BEND7: variants seen among roughly 807,000 people sequenced by gnomAD.
The protein encoded by BEND7 is BEN domain-containing protein 7.
In BEND7, 28 loss-of-function variants were observed where a neutral mutation model predicts 50.9. The ratio of observed to expected loss-of-function variants is 0.55; its 90% CI spans 0.41 to 0.75. BEND7 has a LOEUF of 0.75. Ranked by LOEUF, BEND7 falls within the 30% of genes least tolerant of loss-of-function variation. BEND7 has a pLI of 0.00. For synonymous variants in BEND7, 170 were observed against 183.9 expected, an observed-to-expected ratio of 0.92 and a Z score of 0.61; for missense variants, 477 against 491.3, an observed-to-expected ratio of 0.97 and a Z score of 0.28.
intron 5 of BEND7, among the ~76,000 whole-genome samples, chr10:13,481,421 G>C (rs1385683822): frequency 3.3e-5 from 5 of 152,162 alleles, no homozygotes; most frequent in Non-Finnish European, 7.3e-5. Context: ...CTAACAGGGA[G>C]TTGAGACTTC....
intron 6 of BEND7, among the ~76,000 whole-genome samples, chr10:13,463,683 T>A (rs2073946683): frequency 6.6e-6 from 1 of 152,172 alleles, no homozygotes. Flanking sequence ...GTAGGGAGGA[T>A]CTTTTAAAAT....
chr10:13,447,498 G>A (rs1313273006), intron 7 of BEND7, among the ~76,000 whole-genome samples, 182 bp from the exon 8 acceptor site: 3 of 145,984 alleles, frequency 2.1e-5, no homozygotes, highest in South Asian at 4.3e-4. Context: ...AATATTTTTT[G>A]ATGATGGTGA....
chr10:13,505,511 G>A (rs187879876), intron 2 of BEND7, among the ~76,000 whole-genome samples: 6 of 152,296 alleles, frequency 3.9e-5, no homozygotes, highest in South Asian at 2.1e-4. Flanking sequence ...TCTGGCCTGC[G>A]TGTGTGTGGC....
intron 5 of BEND7, among the ~76,000 whole-genome samples, chr10:13,492,299 G>C (rs1160933528): frequency 6.6e-6 from 1 of 151,960 alleles, no homozygotes; most frequent in Non-Finnish European, 1.5e-5. Flanking sequence ...TATTCTTTTA[G>C]GTCTCTACAC....
intron 2 of BEND7, among the ~76,000 whole-genome samples, chr10:13,521,058 G>T (rs2079046321): frequency 6.6e-6 from 1 of 152,142 alleles, no homozygotes; most frequent in Non-Finnish European, 1.5e-5. Flanking sequence ...GTCTAGACCA[G>T]GAGTTTTAAA....
At position 13,528,563 on chromosome 10, in the gene BEND7, G is replaced by C; in HGVS notation, c.-30C>G. On this transcript the variant is annotated 5_prime_UTR_variant, in exon 1 of 9. Transcript: ENST00000466271. Reference sequence around the variant, plus strand: ...CGGGGAAGGCGGCGGCGGGGGCTGAGGAGGCGGCGGCAGCGGCGGCAGCGG... The same window carrying C: ...CGGGGAAGGCGGCGGCGGGGGCTGACGAGGCGGCGGCAGCGGCGGCAGCGG... 1.0e-6 allele frequency: 1 copy of C among 971,468 alleles called. No homozygotes were observed. Among genetic ancestry groups the C allele is most frequent in the Non-Finnish European group, 1.2e-6 (1 of 828,186 alleles). 60.2% of individuals were successfully genotyped at this position (971,468 alleles called of 1,614,324 possible). A position where few individuals can be genotyped will look rare whatever the true frequency, so the allele number is the denominator to read the frequency against.
At chr10:13,481,847 T>C (rs2075882815) in intron 5 of BEND7, among the ~76,000 whole-genome samples, 1 of 152,246 alleles carries the variant, frequency 6.6e-6, no homozygotes, top group Non-Finnish European at 1.5e-5. Context: ...ACATCCTGAC[T>C]GGGATACGGA....
intron 5 of BEND7, among the ~76,000 whole-genome samples, chr10:13,490,727 C>A (rs2076593897): frequency 6.6e-6 from 1 of 152,256 alleles, no homozygotes; most frequent in Admixed American, 6.5e-5. Flanking sequence ...CTCACCCCAC[C>A]CTGCTTTTAC....
At chr10:13,487,814 C>T (rs570032669) in intron 5 of BEND7, among the ~76,000 whole-genome samples, 6 of 152,080 alleles carry the variant, frequency 3.9e-5, no homozygotes, top group East Asian at 1.9e-4. Flanking sequence ...ATTTCAAGGC[C>T]GGGCATGGTG....
intron 1 of BEND7, chr10:13,527,964 G>T: frequency 5.2e-6 from 2 of 383,396 alleles, no homozygotes; most frequent in Non-Finnish European, 7.2e-6. Flanking sequence ...ACCCAAATCA[G>T]CTAGCTAGAG....
intron 5 of BEND7, among the ~76,000 whole-genome samples, chr10:13,481,646 C>T (rs1248557808): frequency 1.3e-5 from 2 of 152,228 alleles, no homozygotes; most frequent in African/African-American, 4.8e-5. Context: ...TGGCTTTTAG[C>T]TGCAGAGATA....
intron 2 of BEND7, among the ~76,000 whole-genome samples, chr10:13,502,386 T>C (rs190006703): frequency 2.0e-5 from 3 of 152,322 alleles, no homozygotes; most frequent in Admixed American, 2.0e-4. Context: ...GGCATATGCT[T>C]GAGAGGAGAA....
At position 13,454,096 on chromosome 10, in the gene BEND7, T is replaced by C. The variant is rs559052321; in HGVS notation, c.1064-1438A>G. ...AAGCTACTGCGAAAGCCGGAGCTAG[T>C]GACGCGTCTAGGGCCTCTCAGAGAA... On this transcript the variant is annotated intron_variant, in intron 6 of 8. Transcript: ENST00000466271. Among the ~76,000 whole-genome samples, 8 of 152,312 alleles carry C rather than the reference T, an allele frequency of 5.3e-5. No individual in the cohort carries two copies. The South Asian group carries it at 1.7e-3, about 32-fold the overall frequency.
chr10:13,484,236 C>T (rs553158657), intron 5 of BEND7, among the ~76,000 whole-genome samples: 15 of 152,328 alleles, frequency 9.8e-5, no homozygotes, highest in East Asian at 3.9e-4. Context: ...AGTGAACAAG[C>T]GCCAATGCTA....
intron 2 of BEND7, among the ~76,000 whole-genome samples, chr10:13,517,643 C>A (rs893898272): frequency 2.6e-5 from 4 of 152,148 alleles, no homozygotes; most frequent in Non-Finnish European, 5.9e-5. Flanking sequence ...GTCCCAGCTA[C>A]TTGGGAGGCT....
intron 6 of BEND7, among the ~76,000 whole-genome samples, chr10:13,454,888 G>C (rs981528730): frequency 6.6e-6 from 1 of 152,154 alleles, no homozygotes; most frequent in African/African-American, 2.4e-5. Flanking sequence ...AACAGTAAGA[G>C]AGGCTGGGCG....
chr10:13,484,648 A>C (rs1313063831), intron 5 of BEND7, among the ~76,000 whole-genome samples: 1 of 152,230 alleles, frequency 6.6e-6, no homozygotes, highest in African/African-American at 2.4e-5. Context: ...CGAATATGTT[A>C]ATTTACAGAT....
chr10:13,453,482 A>G (rs947292895), intron 6 of BEND7, among the ~76,000 whole-genome samples: 3 of 152,206 alleles, frequency 2.0e-5, no homozygotes, highest in Non-Finnish European at 2.9e-5. Context: ...AAAAAAGACA[A>G]AAGAAAATAT....
At chr10:13,494,244 C>T (rs973681377) in intron 4 of BEND7, among the ~76,000 whole-genome samples, 1 of 152,096 alleles carries the variant, frequency 6.6e-6, no homozygotes, top group African/African-American at 2.4e-5. Context: ...TGGTGAAACC[C>T]CGTCTCTACT....
Sources: gnomAD v4.1 joint callset for allele counts (sites outside exome capture counted in the v4.1 genomes callset) on GRCh38, gnomAD v4.1.1 for gene constraint, MANE v1.5 for transcripts, NCBI Gene and HGNC (gene_info 2026-07-23, HGNC 2026-07-21) for gene names.